The following LINGO2 variants were observed in gnomAD, a reference collection of about 807,000 sequenced individuals.
LINGO2 encodes leucine rich repeat and Ig domain containing 2, also known as leucine-rich repeat and immunoglobulin-like domain-containing nogo receptor-interacting protein 2.
LINGO2 carries 14 observed loss-of-function variants against 30.6 expected under a neutral mutation model. The ratio of observed to expected loss-of-function variants is 0.46; its 90% CI spans 0.30 to 0.72. The LOEUF is 0.72. LINGO2 is among the 30% of genes least tolerant of loss of function. The probability of loss-of-function intolerance (pLI) is 0.07; values close to 1 mark genes in which losing one functional copy is unlikely to be tolerated. For missense variants in LINGO2, 729 were observed against 751.7 expected, an observed-to-expected ratio of 0.97 and a Z score of 0.35; for synonymous variants, 317 against 288.5, an observed-to-expected ratio of 1.10 and a Z score of -1.00.
the LINGO2 span, among the ~76,000 whole-genome samples, chr9:28,678,143 T>TA: frequency 0.42 from 60,525 of 144,256 alleles, 13,160 homozygotes; most frequent in Middle Eastern, 0.54. Context: ...CTTTGAATAT[T>TA]AAAAAAAAAA....
chr9:28,390,832 G>A (rs538171091), intron 2 of LINGO2, among the ~76,000 whole-genome samples: 3 of 152,184 alleles, frequency 2.0e-5, no homozygotes, highest in East Asian at 3.9e-4. Context: ...TATTATTCAG[G>A]AATGCAGCCA....
the LINGO2 span, among the ~76,000 whole-genome samples, chr9:28,889,840 A>AT: frequency 0.041 from 6,249 of 152,112 alleles, 195 homozygotes; most frequent in Admixed American, 0.083. Flanking sequence ...CAAGGTAAAT[A>AT]TTTTTCCAAG....
intron 4 of LINGO2, among the ~76,000 whole-genome samples, chr9:28,027,948 C>T (rs1366733811): frequency 3.3e-5 from 5 of 151,956 alleles, no homozygotes; most frequent in African/African-American, 9.7e-5. Context: ...GGGCCATATC[C>T]AATTAAAGAG....
rs1234870098 is a variant in LINGO2, at chr9:28,647,038, C to A, written c.-365+23162G>T. ...TAGATTATCTTTAGCATCTTCCAAA[C>A]TGAGCAAAGACACCACAGGTATCCC... is the stretch of plus-strand genomic sequence containing the variant. On this transcript the variant is annotated intron_variant, in intron 1 of 5. Transcript: ENST00000379992. Among the ~76,000 whole-genome samples the A allele has an allele frequency of 2.6e-5, 4 of 152,080 alleles. 1 individual carries two copies. Among genetic ancestry groups the A allele is most frequent in the Admixed American group, 6.6e-5 (1 of 15,262 alleles).
chr9:27,981,967 C>T lies in LINGO2; in HGVS notation c.-36+30388G>A, dbSNP rs545458505. On this transcript the variant is annotated intron_variant, in intron 5 of 5. Transcript: ENST00000379992. ...TGACCAGGAAAGAATTCAAAAGCCA[C>T]ACCGTCTGATTCTATACTTCATATA... Among the ~76,000 whole-genome samples the T allele has an allele frequency of 3.3e-5, 5 of 151,978 alleles. No individual in the cohort carries two copies. The South Asian group carries it at 8.3e-4, about 25-fold the overall frequency.
At chr9:28,707,703 T>C in the LINGO2 span, among the ~76,000 whole-genome samples, 1 of 152,006 alleles carries the variant, frequency 6.6e-6, no homozygotes, top group African/African-American at 2.4e-5. Context: ...GTCTGGTCTG[T>C]TTGGAGGCCT....
chr9:28,048,105 G>A lies in LINGO2; in HGVS notation c.-86-35700C>T, dbSNP rs149274851. On this transcript the variant is annotated intron_variant, in intron 4 of 5. Coordinates refer to ENST00000379992, the Ensembl canonical transcript of LINGO2. ...CACAAAGCCACCTCAGTGAGAAGGG[G>A]TAGGAAAATTAGAAATAAATCCAAA... Among the ~76,000 whole-genome samples the A allele has an allele frequency of 1.4e-3, 216 of 150,918 alleles. 13 individuals carry two copies. The highest frequency in any genetic ancestry group is 5.2e-3 in the African/African-American group (213 of 40,908).
the LINGO2 span, among the ~76,000 whole-genome samples, chr9:29,048,523 A>T: frequency 6.6e-6 from 1 of 152,164 alleles, no homozygotes; most frequent in Non-Finnish European, 1.5e-5. Flanking sequence ...AGCTATCCTG[A>T]ACAAAAAGAA....
At chr9:28,135,518 TA>T (rs1031695669) in intron 4 of LINGO2, among the ~76,000 whole-genome samples, 7 of 151,560 alleles carry the variant, frequency 4.6e-5, no homozygotes, top group Non-Finnish European at 1.0e-4. Flanking sequence ...TACTCAATAA[TA>T]AAATTCAAAA....
At chr9:28,235,885 G>A (rs1184551031) in intron 4 of LINGO2, among the ~76,000 whole-genome samples, 2 of 152,176 alleles carry the variant, frequency 1.3e-5, no homozygotes, top group Non-Finnish European at 2.9e-5. Flanking sequence ...GGAGGAGATA[G>A]AGAAAGAGAT....
chr9:29,047,408 C>T, the LINGO2 span, among the ~76,000 whole-genome samples: 1 of 152,016 alleles, frequency 6.6e-6, no homozygotes, highest in South Asian at 2.1e-4. Flanking sequence ...AAATAGCAGT[C>T]TATAAGAGAA....
At chr9:28,031,331 A>AC (rs1454533418) in intron 4 of LINGO2, among the ~76,000 whole-genome samples, 4 of 149,606 alleles carry the variant, frequency 2.7e-5, no homozygotes, top group Middle Eastern at 3.2e-3. Flanking sequence ...CTTTATACCC[A>AC]CTTCAGTAGA....
the LINGO2 span, among the ~76,000 whole-genome samples, chr9:29,180,303 C>T: frequency 6.6e-6 from 1 of 152,168 alleles, no homozygotes; most frequent in Admixed American, 6.5e-5. Flanking sequence ...AACAGGAATG[C>T]ATATATGCAT....
chr9:28,888,755 T>A, the LINGO2 span: 5 of 434,628 alleles, frequency 1.2e-5, no homozygotes, highest in East Asian at 3.5e-4. Context: ...ATTTTGCATT[T>A]TCAACATTAC....
chr9:28,907,022 T>A, the LINGO2 span, among the ~76,000 whole-genome samples: 2 of 151,960 alleles, frequency 1.3e-5, no homozygotes, highest in Non-Finnish European at 2.9e-5. Context: ...GCGTTAAAGC[T>A]AAGAGAGCCT....
At chr9:28,963,543 T>TACACAGACACACAC in the LINGO2 span, among the ~76,000 whole-genome samples, 2 of 140,892 alleles carry the variant, frequency 1.4e-5, no homozygotes, top group East Asian at 4.2e-4. Context: ...GGTATATGAA[T>TACACAGACACACAC]ACACACACAC....
chr9:28,522,036 G>C (rs186591931), intron 1 of LINGO2, among the ~76,000 whole-genome samples: 14 of 152,294 alleles, frequency 9.2e-5, no homozygotes, highest in Non-Finnish European at 1.6e-4. Flanking sequence ...AACTGTGAGA[G>C]AATAAATTTC....
chr9:28,415,011 T>G (rs554747696), intron 2 of LINGO2, among the ~76,000 whole-genome samples: 55 of 152,060 alleles, frequency 3.6e-4, no homozygotes, highest in African/African-American at 1.3e-3. Context: ...TTGTAGAAAA[T>G]TATTTAATGG....
At chr9:29,069,294 G>A in the LINGO2 span, among the ~76,000 whole-genome samples, 1 of 151,916 alleles carries the variant, frequency 6.6e-6, no homozygotes, top group Admixed American at 6.6e-5. Flanking sequence ...TCTCATGACG[G>A]AATGGCCTTC....
Sources: gnomAD v4.1 joint callset for allele counts (sites outside exome capture counted in the v4.1 genomes callset) on GRCh38, gnomAD v4.1.1 for gene constraint, MANE v1.5 for transcripts, NCBI Gene and HGNC (gene_info 2026-07-23, HGNC 2026-07-21) for gene names.